NUMA1: variants seen among roughly 807,000 people sequenced by gnomAD.
NUMA1 encodes nuclear mitotic apparatus protein 1, also known as SP-H antigen.
Under a neutral mutation model 237.1 loss-of-function variants are expected in NUMA1, and 62 were observed. That is an observed-to-expected ratio of 0.26 (90% CI 0.21 to 0.32). The LOEUF (loss-of-function observed/expected upper bound fraction) is 0.32. Among genes scored for constraint, NUMA1 ranks in the 10% least tolerant of loss-of-function variants. The probability of loss-of-function intolerance (pLI) is 1.00; values close to 1 mark genes in which losing one functional copy is unlikely to be tolerated. For synonymous variants in NUMA1, 1,028 were observed against 1,066.1 expected (o/e 0.96, Z 0.70); for missense variants, 2,533 against 2,666.5 (o/e 0.95, Z 1.10).
At chr11:72,043,705 T>C (rs2135914481) in intron 2 of NUMA1, among the ~76,000 whole-genome samples, 1 of 152,202 alleles carries the variant, frequency 6.6e-6, no homozygotes, top group Non-Finnish European at 1.5e-5. Flanking sequence ...AGCTATACTA[T>C]AGAGGTCACA....
chr11:72,073,048 C>CAAAAAAAAAAAAAA lies in NUMA1; in HGVS notation c.-102-3151_-102-3138dup, dbSNP rs71052849. ...GGTGACACAGAGCGAGACTCCGTCT[C>CAAAAAAAAAAAAAA]AAAAAAAAAAAAAAAAAAAAGCTGC... On this transcript the variant is annotated intron_variant, in intron 1 of 26. Transcript: ENST00000393695. Among the ~76,000 whole-genome samples, 121 of 38,970 alleles carry CAAAAAAAAAAAAAA rather than the reference C, an allele frequency of 3.1e-3. 36 individuals carry two copies. Among genetic ancestry groups the CAAAAAAAAAAAAAA allele is most frequent in the African/African-American group, 8.0e-3 (72 of 8,982 alleles). 25.6% of individuals were successfully genotyped at this position (38,970 alleles called of 152,430 possible).
At chr11:72,009,551 A>G (rs894251321) in intron 17 of NUMA1, among the ~76,000 whole-genome samples, 164 bp from the exon 18 acceptor site, 1 of 152,218 alleles carries the variant, frequency 6.6e-6, no homozygotes, top group Non-Finnish European at 1.5e-5. Context: ...ACTACAGTCT[A>G]CTAAACCTGA....
rs946077812 is a variant in NUMA1, at chr11:72,013,265, C to T, written c.4238G>A (p.Arg1413Gln). The T allele has an allele frequency of 6.2e-6, 10 of 1,604,930 alleles. No individual in the cohort carries two copies. The highest frequency in any genetic ancestry group is 1.3e-5 in the African/African-American group (1 of 75,054). Residue 1413 changes from arginine (R) to glutamine (Q), a missense_variant, in exon 15 of 27, where the codon CGG becomes CAG. Transcript: ENST00000393695. The surrounding 1 kb of genome is among the most constrained non-coding windows in gnomAD (Gnocchi z 6.8). The part of the protein sequence containing the change: ...QRELGELIPL[R>Q]QKVAEQERTA... ...TCGCTCCTGCTCTGCCACCTTCTGC[C>T]GCAGAGGAATCAGCTCCCCAAGCTC...
intron 2 of NUMA1, among the ~76,000 whole-genome samples, chr11:72,038,320 C>T (rs1049103433): frequency 4.6e-5 from 7 of 152,210 alleles, no homozygotes; most frequent in Non-Finnish European, 7.3e-5. Context: ...ACTAGTTCCA[C>T]TGTTCAAGAA....
At chr11:72,076,152 T>C (rs1053167973) in intron 1 of NUMA1, among the ~76,000 whole-genome samples, 8 of 151,836 alleles carry the variant, frequency 5.3e-5, no homozygotes, top group Middle Eastern at 3.4e-3. Flanking sequence ...GGTGGGTGGA[T>C]TGCTTGAGCC....
Position 72,013,590 on chromosome 11 carries a change from G to A in NUMA1, c.3913C>T (p.Arg1305Trp). The A allele has an allele frequency of 6.2e-7, 1 of 1,612,546 alleles. No individual in the cohort carries two copies. The highest frequency in any genetic ancestry group is 8.5e-7 in the Non-Finnish European group (1 of 1,179,984). Residue 1305 changes from arginine (R) to tryptophan (W), a missense_variant, in exon 15 of 27, where the codon CGG becomes TGG. By Grantham distance (101) the Arg-to-Trp change is moderately radical. Transcript: ENST00000393695. This position sits in a 1 kb window ranked among gnomAD's most constrained non-coding sequence, Gnocchi z 6.8. ...QSLREEAEKQ[R>W]VASENLRQEL... ...TGCCGCAGGTTCTCTGAAGCCACCC[G>A]CTGTTTCTCAGCCTCCTCCCGGAGG...
At chr11:72,019,077 G>T in intron 9 of NUMA1, 97 bp from the exon 10 acceptor site, 1 of 1,353,682 alleles carries the variant, frequency 7.4e-7, no homozygotes, top group Non-Finnish European at 1.0e-6. Flanking sequence ...ATGGAAGTGC[G>T]CACTAGCAGC....
In NUMA1 at chr11:72,036,076, A is replaced by C; in HGVS notation, c.-32-101T>G. 3 of 845,646 alleles carry C rather than the reference A, an allele frequency of 3.5e-6. No homozygotes were observed. The South Asian group carries it at 4.3e-5, about 12-fold the overall frequency. The allele number at this position is 845,646 out of a possible 1,614,324, so 52.4% of individuals were successfully genotyped here. A position where few individuals can be genotyped will look rare whatever the true frequency, so the allele number is the denominator to read the frequency against. On this transcript the variant is annotated intron_variant, in intron 2 of 26. Coordinates refer to ENST00000393695, the MANE Select transcript of NUMA1 (RefSeq NM_006185.4). ...CAATTTGCCAATTCTCAACACTTAAATCACTCTTCACTGAATCCACCAAGA... is the reference window on the plus strand; with the variant it reads ...CAATTTGCCAATTCTCAACACTTAACTCACTCTTCACTGAATCCACCAAGA...
chr11:72,040,385 A>G (rs1007128029), intron 2 of NUMA1, among the ~76,000 whole-genome samples: 1 of 151,734 alleles, frequency 6.6e-6, no homozygotes, highest in African/African-American at 2.4e-5. Flanking sequence ...AAGAGCTGCA[A>G]TCAGGAACCA....
chr11:72,037,986 G>A lies in NUMA1; in HGVS notation c.-32-2011C>T, dbSNP rs758777770. Among the ~76,000 whole-genome samples, 18 of 152,134 alleles carry A rather than the reference G, an allele frequency of 1.2e-4. No individual in the cohort carries two copies. In the South Asian group the frequency reaches 1.5e-3, roughly 12 times the overall value. ...TCTGTGGCTGACAAGACTAAAGCTCGAGGGACCACACTTGGCTCTGTGGTG... is the reference window on the plus strand; with the variant it reads ...TCTGTGGCTGACAAGACTAAAGCTCAAGGGACCACACTTGGCTCTGTGGTG... On this transcript the variant is annotated intron_variant, in intron 2 of 26. Transcript: ENST00000393695.
At chr11:72,025,435 C>T (rs544080652) in intron 4 of NUMA1, among the ~76,000 whole-genome samples, 1 of 150,716 alleles carries the variant, frequency 6.6e-6, no homozygotes. Context: ...GAATACTAGT[C>T]CCTGGGATCC....
chr11:72,014,849 A>G lies in NUMA1; in HGVS notation c.2654T>C (p.Leu885Pro). Reference sequence around the variant, plus strand: ...GACTTCCTTCTCTTGGACCTGCTGGAGTGCTCTGGCCAGGTTGGCATGGAG... The same window carrying G: ...GACTTCCTTCTCTTGGACCTGCTGGGGTGCTCTGGCCAGGTTGGCATGGAG... ...AELHANLARA[L>P]QQVQEKEVRA... The change falls in exon 15 of 27, where the codon CTC (leucine) becomes CCC (proline). Residue 885 changes from leucine to proline, a missense_variant. Coordinates refer to ENST00000393695, the MANE Select transcript of NUMA1 (RefSeq NM_006185.4). This position sits in a 1 kb window ranked among gnomAD's most constrained non-coding sequence, Gnocchi z 4.6. 6.2e-7 allele frequency: 1 copy of G among 1,614,118 alleles called. No homozygotes were observed. The highest frequency in any genetic ancestry group is 8.5e-7 in the Non-Finnish European group (1 of 1,180,002).
intron 2 of NUMA1, among the ~76,000 whole-genome samples, chr11:72,053,340 C>T (rs937252420): frequency 1.3e-5 from 2 of 152,170 alleles, no homozygotes; most frequent in African/African-American, 4.8e-5. Flanking sequence ...TCTCTTACTG[C>T]CTTAAGTTCC....
In NUMA1 at chr11:72,016,018, C is replaced by T. The variant is rs757701689; in HGVS notation, c.1485G>A (p.Arg495=). 2 of 1,613,986 alleles carry T rather than the reference C, an allele frequency of 1.2e-6. No individual in the cohort carries two copies. The highest frequency in any genetic ancestry group is 1.3e-5 in the African/African-American group (1 of 74,934). ...TCAGAGAGGCCACCTGGGCAGTCAA[C>T]CGGGCCCCATGAGCCTGGGAGGCCT... The part of the protein sequence containing the change: ...LEQASQAHGA[R]LTAQVASLTS... Residue 495 remains arginine, a synonymous_variant, in exon 15 of 27, where the codon CGG becomes CGA. Transcript: ENST00000393695.
At chr11:72,037,799 A>G (rs897896368) in intron 2 of NUMA1, among the ~76,000 whole-genome samples, 2 of 152,204 alleles carry the variant, frequency 1.3e-5, no homozygotes, top group Non-Finnish European at 2.9e-5. Context: ...TGAAATGGTT[A>G]AGAGAGCTCT....
In NUMA1 at chr11:72,047,297, G is replaced by A. The variant is rs188206784; in HGVS notation, c.-32-11322C>T. Among the ~76,000 whole-genome samples, 417 of 152,124 alleles carry A rather than the reference G, an allele frequency of 2.7e-3. 2 individuals carry two copies. Among genetic ancestry groups the A allele is most frequent in the South Asian group, 0.017 (80 of 4,808 alleles). On this transcript the variant is annotated intron_variant, in intron 2 of 26. Transcript: ENST00000393695. Reference sequence around the variant, plus strand: ...TCCTCAGGAGTTCAAGACCAGCCTGGGTAACATAGCGAGATCCCCATCTCT... The same window carrying A: ...TCCTCAGGAGTTCAAGACCAGCCTGAGTAACATAGCGAGATCCCCATCTCT...
At chr11:72,075,063 A>T (rs1943646242) in intron 1 of NUMA1, among the ~76,000 whole-genome samples, 1 of 149,892 alleles carries the variant, frequency 6.7e-6, no homozygotes, top group Middle Eastern at 3.4e-3. Flanking sequence ...ATAAATAAAT[A>T]AAATAAAAAT....
intron 2 of NUMA1, among the ~76,000 whole-genome samples, chr11:72,063,953 TA>T (rs200132387): frequency 2.1e-3 from 286 of 136,888 alleles, no homozygotes; most frequent in African/African-American, 2.9e-3. Flanking sequence ...CAAAAAGAAT[TA>T]AAAAAAAAAA....
intron 2 of NUMA1, among the ~76,000 whole-genome samples, chr11:72,052,211 A>G (rs1942402313): frequency 6.6e-6 from 1 of 152,192 alleles, no homozygotes; most frequent in African/African-American, 2.4e-5. Context: ...TCTTGCTTTC[A>G]TGGAAAGATT....
Sources: gnomAD v4.1 joint callset for allele counts (sites outside exome capture counted in the v4.1 genomes callset) on GRCh38, gnomAD v4.1.1 for gene constraint, Gnocchi (gnomAD v3.1) non-coding constraint, MANE v1.5 for transcripts, NCBI Gene and HGNC (gene_info 2026-07-23, HGNC 2026-07-21) for gene names.